Variants in RBFOX1 observed in about 807,000 individuals in gnomAD.
RBFOX1 encodes RNA binding fox-1 homolog 1, also known as RNA binding protein fox-1 homolog 1.
A neutral mutation model predicts 57.7 loss-of-function variants in RBFOX1; 8 were observed. The observed-to-expected ratio is 0.14, with a 90% CI of 0.08 to 0.25. The LOEUF (loss-of-function observed/expected upper bound fraction) is 0.25. Among genes scored for constraint, RBFOX1 ranks in the 10% least tolerant of loss-of-function variants. RBFOX1 has a pLI of 1.00. For missense variants in RBFOX1, 611 were observed against 548.5 expected, an observed-to-expected ratio of 1.11 and a Z score of -1.14; for synonymous variants, 326 against 222.4, an observed-to-expected ratio of 1.47 and a Z score of -4.15.
chr16:5,455,016 T>A (rs1347045776), intron 1 of RBFOX1, among the ~76,000 whole-genome samples: 1 of 119,054 alleles, frequency 8.4e-6, no homozygotes, highest in Admixed American at 9.4e-5. Context: ...TCTTTCTTTC[T>A]TTCTTTCTCT....
chr16:6,100,174 G>C (rs190710928), intron 1 of RBFOX1, among the ~76,000 whole-genome samples: 2,349 of 151,420 alleles, frequency 0.016, 65 homozygotes, highest in African/African-American at 0.054. Flanking sequence ...TGTTGTTGTT[G>C]TTTTTTGAGA....
At chr16:6,941,552 C>A (rs148042201) in intron 3 of RBFOX1, among the ~76,000 whole-genome samples, 1 of 151,896 alleles carries the variant, frequency 6.6e-6, no homozygotes, top group Non-Finnish European at 1.5e-5. Flanking sequence ...TCACACCTGT[C>A]CACCAAGAGA....
chr16:5,579,969 C>A (rs1416086742), intron 2 of RBFOX1, among the ~76,000 whole-genome samples: 1 of 152,094 alleles, frequency 6.6e-6, no homozygotes, highest in Non-Finnish European at 1.5e-5. Flanking sequence ...CGGGGTTTCA[C>A]CAACATGGCT....
At chr16:6,998,808 C>G (rs535043694) in intron 3 of RBFOX1, among the ~76,000 whole-genome samples, 1 of 151,976 alleles carries the variant, frequency 6.6e-6, no homozygotes, top group East Asian at 1.9e-4. Context: ...CTTCTGAGTA[C>G]TTTAAAATAT....
intron 3 of RBFOX1, among the ~76,000 whole-genome samples, chr16:7,016,466 G>A (rs748291754): frequency 2.6e-5 from 4 of 152,114 alleles, no homozygotes; most frequent in South Asian, 2.1e-4. Flanking sequence ...GTTTCGGGAC[G>A]TAACCTAAGT....
At chr16:6,864,707 C>G (rs1196169762) in intron 3 of RBFOX1, among the ~76,000 whole-genome samples, 4 of 152,096 alleles carry the variant, frequency 2.6e-5, no homozygotes, top group African/African-American at 9.6e-5. Context: ...GCATGGAATC[C>G]TGAAGAAAAA....
chr16:6,385,083 T>G (rs567943543), intron 2 of RBFOX1, among the ~76,000 whole-genome samples: 41 of 152,322 alleles, frequency 2.7e-4, no homozygotes, highest in Middle Eastern at 3.4e-3. Context: ...TTTCAAACTC[T>G]CAGACTCTCA....
chr16:7,498,784 G>A (rs937242263), intron 4 of RBFOX1, among the ~76,000 whole-genome samples: 2 of 152,132 alleles, frequency 1.3e-5, no homozygotes, highest in African/African-American at 4.8e-5. Context: ...CAATGCTTAA[G>A]CTGATCTAGC....
At chr16:7,121,842 A>T (rs1027696570) in intron 4 of RBFOX1, among the ~76,000 whole-genome samples, 1 of 152,038 alleles carries the variant, frequency 6.6e-6, no homozygotes, top group Non-Finnish European at 1.5e-5. Flanking sequence ...ACATTAATCA[A>T]CTGGACAAAA....
At chr16:6,996,712 G>A (rs866442941) in intron 3 of RBFOX1, among the ~76,000 whole-genome samples, 6 of 152,164 alleles carry the variant, frequency 3.9e-5, no homozygotes, top group African/African-American at 9.6e-5. Context: ...TGATAATGCA[G>A]TGCTTCATAC....
chr16:7,194,127 G>A (rs966966084), intron 4 of RBFOX1, among the ~76,000 whole-genome samples: 6 of 152,164 alleles, frequency 3.9e-5, no homozygotes, highest in African/African-American at 1.2e-4. Flanking sequence ...TCGTGTCAAT[G>A]AGAAAGTCTT....
chr16:6,643,526 T>C (rs565057260), intron 2 of RBFOX1, among the ~76,000 whole-genome samples: 1 of 152,280 alleles, frequency 6.6e-6, no homozygotes, highest in East Asian at 1.9e-4. Flanking sequence ...TTTACCAACA[T>C]CAGAGTTACT....
At chr16:6,693,274 C>T (rs2060503314) in intron 3 of RBFOX1, among the ~76,000 whole-genome samples, 1 of 151,530 alleles carries the variant, frequency 6.6e-6, no homozygotes, top group Admixed American at 6.6e-5. Context: ...CCACTAACAT[C>T]ACCACCGTCA....
chr16:6,373,738 A>G (rs1285348875), intron 2 of RBFOX1, among the ~76,000 whole-genome samples: 1 of 152,158 alleles, frequency 6.6e-6, no homozygotes. Flanking sequence ...GGAGTTGTTA[A>G]GTGGAAGAAT....
At chr16:5,954,707 G>A (rs964333756) in intron 4 of RBFOX1, among the ~76,000 whole-genome samples, 18 of 152,096 alleles carry the variant, frequency 1.2e-4, no homozygotes, top group African/African-American at 3.1e-4. Flanking sequence ...GATCGTGTGC[G>A]CCGTGAGCTA....
intron 13 of RBFOX1, among the ~76,000 whole-genome samples, chr16:7,670,222 G>T (rs117429192): frequency 0.1 from 15,722 of 152,110 alleles, 977 homozygotes; most frequent in Middle Eastern, 0.19. Flanking sequence ...AGTAGAGACG[G>T]GGTTTCACCA....
At chr16:6,918,705 C>CGAA (rs2073809605) in intron 3 of RBFOX1, among the ~76,000 whole-genome samples, 1 of 152,176 alleles carries the variant, frequency 6.6e-6, no homozygotes, top group Non-Finnish European at 1.5e-5. Flanking sequence ...AGAAAGAAAT[C>CGAA]ATTCTCTGCC....
In RBFOX1 at chr16:5,820,588, C is replaced by T. The variant is rs9931778; in HGVS notation, c.319-46715C>T. ...CACCTGCTTTTGTGTTTTTGCTTGG[C>T]GGTTGTCAGAGGGCACCTGAAAATG... On this transcript the variant is annotated intron_variant, in intron 3 of 19. Coordinates refer to the RBFOX1 transcript ENST00000641259. Among the ~76,000 whole-genome samples the T allele has an allele frequency of 8.9e-3, 1,352 of 152,226 alleles. 16 individuals carry two copies. The highest frequency in any genetic ancestry group is 0.031 in the African/African-American group (1,271 of 41,524).
At chr16:5,986,028 C>T (rs2060278800) in intron 4 of RBFOX1, among the ~76,000 whole-genome samples, 1 of 151,016 alleles carries the variant, frequency 6.6e-6, no homozygotes, top group South Asian at 2.1e-4. Context: ...ACCCAAAATT[C>T]CTCTTTATTT....
Sources: allele counts gnomAD v4.1 joint callset (sites outside exome capture counted in the v4.1 genomes callset), GRCh38; gene constraint gnomAD v4.1.1; transcripts MANE v1.5; gene names NCBI Gene and HGNC (gene_info 2026-07-23, HGNC 2026-07-21).